MRRF: variants seen among roughly 807,000 people sequenced by gnomAD.
The protein encoded by MRRF is mitochondrial ribosome recycling factor.
Under a neutral mutation model 25.1 loss-of-function variants are expected in MRRF, and 18 were observed. The observed-to-expected ratio is 0.72, with a 90% CI of 0.50 to 1.06. The LOEUF (loss-of-function observed/expected upper bound fraction) is 1.06. MRRF is among the 50% of genes least tolerant of loss of function. The pLI is 0.00. For synonymous variants in MRRF, 113 were observed against 112.1 expected, an observed-to-expected ratio of 1.01 and a Z score of -0.05; for missense variants, 323 against 319.3, an observed-to-expected ratio of 1.01 and a Z score of -0.09.
rs910927085 is a variant in MRRF, at chr9:122,330,069, A to G, written c.*7452A>G. 4 of 152,334 alleles carry G rather than the reference A, an allele frequency of 2.6e-5. No individual in the cohort carries two copies. Among genetic ancestry groups the G allele is most frequent in the African/African-American group, 9.6e-5 (4 of 41,466 alleles). 9.4% of individuals were successfully genotyped at this position (152,334 alleles called of 1,614,324 possible). A position where few individuals can be genotyped will look rare whatever the true frequency, so the allele number is the denominator to read the frequency against. ...GTTTCTAGACATCTTAAGGGACCGC[A>G]TGGCATCCAAGGCCACTGGCATCTA... On this transcript the variant is annotated 3_prime_UTR_variant, in exon 7 of 7. Coordinates refer to ENST00000344641, the MANE Select transcript of MRRF (RefSeq NM_138777.5). The surrounding 1 kb of genome is among the most constrained non-coding windows in gnomAD (Gnocchi z 4.2).
chr9:122,297,837 C>T (rs1199835266), intron 5 of MRRF, among the ~76,000 whole-genome samples: 1 of 152,196 alleles, frequency 6.6e-6, no homozygotes, highest in South Asian at 2.1e-4. Flanking sequence ...CTGCAACACA[C>T]CCAAGTGACC....
intron 2 of MRRF, among the ~76,000 whole-genome samples, chr9:122,277,101 C>T (rs1015716844): frequency 2.0e-5 from 3 of 152,184 alleles, no homozygotes; most frequent in Admixed American, 1.3e-4. Context: ...ATCAAGCAAT[C>T]TGCCCACCTC....
chr9:122,327,551 T>G lies in MRRF; in HGVS notation c.*4934T>G, dbSNP rs1280382306. Reference sequence around the variant, plus strand: ...AAATGTAGCTTATAGAGTATGTTGTTTAGGTTTTCCATTATTTTTTGACCC... The same window carrying G: ...AAATGTAGCTTATAGAGTATGTTGTGTAGGTTTTCCATTATTTTTTGACCC... On this transcript the variant is annotated 3_prime_UTR_variant, in exon 7 of 7. Coordinates refer to ENST00000344641, the MANE Select transcript of MRRF (RefSeq NM_138777.5). 2.0e-5 allele frequency: 3 copies of G among 152,224 alleles called. No homozygotes were observed. The highest frequency in any genetic ancestry group is 4.8e-5 in the African/African-American group (2 of 41,450). The allele number at this position is 152,224 out of a possible 1,614,324, so 9.4% of individuals were successfully genotyped here.
intron 2 of MRRF, among the ~76,000 whole-genome samples, chr9:122,274,186 T>C (rs1337767770): frequency 6.6e-6 from 1 of 152,214 alleles, no homozygotes; most frequent in African/African-American, 2.4e-5. Flanking sequence ...ACACTTCTTA[T>C]ATGTTAACCT....
At chr9:122,308,016 GC>G (rs1322284584) in intron 5 of MRRF, among the ~76,000 whole-genome samples, 1 of 152,196 alleles carries the variant, frequency 6.6e-6, no homozygotes, top group Non-Finnish European at 1.5e-5. Context: ...AGTGGGGCAT[GC>G]CCTCTGCTTA....
At chr9:122,317,538 A>T (rs1437000466) in intron 6 of MRRF, among the ~76,000 whole-genome samples, 1 of 152,192 alleles carries the variant, frequency 6.6e-6, no homozygotes, top group East Asian at 1.9e-4. Context: ...TTTTACATTC[A>T]TTAGAATCTA....
At chr9:122,273,144 GT>G (rs1239489230) in intron 2 of MRRF, among the ~76,000 whole-genome samples, 1 of 152,168 alleles carries the variant, frequency 6.6e-6, no homozygotes, top group East Asian at 1.9e-4. Flanking sequence ...ATAGTGTCAA[GT>G]TTTCTCCAGA....
intron 2 of MRRF, among the ~76,000 whole-genome samples, chr9:122,274,793 C>T (rs1832678487): frequency 6.6e-6 from 1 of 151,642 alleles, no homozygotes; most frequent in Non-Finnish European, 1.5e-5. Flanking sequence ...TTATCTGCAT[C>T]TACTTTCTTC....
intron 5 of MRRF, among the ~76,000 whole-genome samples, chr9:122,312,741 ACTGT>A (rs561867392): frequency 6.0e-4 from 92 of 152,234 alleles, no homozygotes; most frequent in African/African-American, 2.0e-3. Flanking sequence ...ACCTTGCAAG[ACTGT>A]CTGTGATATG....
chr9:122,322,463 T>C, intron 6 of MRRF, 77 bp from the exon 7 acceptor site: 2 of 1,298,598 alleles, frequency 1.5e-6, no homozygotes, highest in Non-Finnish European at 1.1e-6. Flanking sequence ...CATAACCTTT[T>C]CATGTTTCTG....
At chr9:122,307,983 G>A (rs1025004841) in intron 5 of MRRF, among the ~76,000 whole-genome samples, 1 of 152,168 alleles carries the variant, frequency 6.6e-6, no homozygotes, top group Non-Finnish European at 1.5e-5. Context: ...CAGTCAGTGG[G>A]ATTCTCTGTT....
At chr9:122,307,905 G>A (rs1007959318) in intron 5 of MRRF, among the ~76,000 whole-genome samples, 1 of 152,176 alleles carries the variant, frequency 6.6e-6, no homozygotes, top group South Asian at 2.1e-4. Context: ...GGCTTCCTCT[G>A]ATATGCACCT....
chr9:122,267,422 T>C (rs1832185860), intron 1 of MRRF, among the ~76,000 whole-genome samples: 2 of 151,982 alleles, frequency 1.3e-5, no homozygotes. Flanking sequence ...GATGCTATTA[T>C]AATAGCTACA....
intron 2 of MRRF, among the ~76,000 whole-genome samples, chr9:122,274,800 C>T (rs1176022878): frequency 6.6e-6 from 1 of 151,670 alleles, no homozygotes; most frequent in Non-Finnish European, 1.5e-5. Context: ...CATCTACTTT[C>T]TTCTTTTCTT....
intron 6 of MRRF, among the ~76,000 whole-genome samples, chr9:122,319,207 G>A (rs543491713): frequency 6.9e-6 from 1 of 145,696 alleles, no homozygotes; most frequent in East Asian, 2.1e-4. Context: ...CTGGAGTGCA[G>A]TGGCGCAATC....
chr9:122,286,039 G>C, intron 4 of MRRF: 1 of 1,296,676 alleles, frequency 7.7e-7, no homozygotes, highest in Non-Finnish European at 1.0e-6. Flanking sequence ...GGTCCACTAG[G>C]AATTGGCCTG....
At chr9:122,297,915 C>A (rs901395586) in intron 5 of MRRF, among the ~76,000 whole-genome samples, 6 of 152,134 alleles carry the variant, frequency 3.9e-5, no homozygotes, top group African/African-American at 1.4e-4. Flanking sequence ...ATTTTAATGC[C>A]TCCCCTGGCT....
chr9:122,285,683 T>G, intron 4 of MRRF: 1 of 1,049,742 alleles, frequency 9.5e-7, no homozygotes, highest in South Asian at 1.6e-5. Context: ...TACCTGATAC[T>G]ACGATTTTTA....
chr9:122,316,072 T>C (rs1450035860), intron 6 of MRRF, among the ~76,000 whole-genome samples: 1 of 152,238 alleles, frequency 6.6e-6, no homozygotes, highest in African/African-American at 2.4e-5. Flanking sequence ...ATGACTGTTG[T>C]TAACATTTTA....
Sources: allele counts gnomAD v4.1 joint callset (sites outside exome capture counted in the v4.1 genomes callset), GRCh38; gene constraint gnomAD v4.1.1; non-coding constraint Gnocchi (gnomAD v3.1); transcripts MANE v1.5; gene names NCBI Gene and HGNC (gene_info 2026-07-23, HGNC 2026-07-21).